Variants in SLC8A1 observed in about 807,000 individuals in gnomAD.
SLC8A1 encodes solute carrier family 8 member A1, also known as sodium/calcium exchanger 1.
In SLC8A1, 18 loss-of-function variants were observed where a neutral mutation model predicts 68.3. That is an observed-to-expected ratio of 0.26 (90% CI 0.18 to 0.39). SLC8A1 has a LOEUF of 0.39. Among genes scored for constraint, SLC8A1 ranks in the 10% least tolerant of loss-of-function variants. SLC8A1 has a pLI of 1.00. For missense variants in SLC8A1, 985 were observed against 1,156.7 expected, an observed-to-expected ratio of 0.85 and a Z score of 2.15; for synonymous variants, 475 against 415.5, an observed-to-expected ratio of 1.14 and a Z score of -1.74.
intron 2 of SLC8A1, among the ~76,000 whole-genome samples, chr2:40,376,845 C>A (rs752855207): frequency 1.3e-5 from 2 of 152,048 alleles, no homozygotes; most frequent in Non-Finnish European, 2.9e-5. Flanking sequence ...AATCTGAATA[C>A]TTGTAATTTC....
chr2:40,117,561 T>G (rs979588403), intron 7 of SLC8A1, among the ~76,000 whole-genome samples: 1 of 143,704 alleles, frequency 7.0e-6, no homozygotes, highest in African/African-American at 2.6e-5. Flanking sequence ...TGAGACTCCA[T>G]CTCAAAAAAA....
intron 7 of SLC8A1, among the ~76,000 whole-genome samples, chr2:40,129,633 T>C (rs931550309): frequency 6.6e-6 from 1 of 152,200 alleles, no homozygotes; most frequent in African/African-American, 2.4e-5. Flanking sequence ...TGAATGCTTC[T>C]GCTACACTCG....
intron 2 of SLC8A1, among the ~76,000 whole-genome samples, chr2:40,287,582 ATGTGTGTGTGTGTGTG>A (rs10522914): frequency 0.016 from 2,015 of 127,572 alleles, 62 homozygotes; most frequent in African/African-American, 0.057. Context: ...CAGAGGAATG[ATGTGTGTGTGTGTGTG>A]TGTGTGTGTG....
chr2:40,170,188 G>T, intron 4 of SLC8A1, 93 bp downstream of exon 7: 3 of 1,101,014 alleles, frequency 2.7e-6, no homozygotes, highest in African/African-American at 1.6e-5. Flanking sequence ...ATGTTTTACA[G>T]AGGAGAGGGG....
intron 1 of SLC8A1, among the ~76,000 whole-genome samples, chr2:40,467,276 G>C (rs1196125246): frequency 1.3e-5 from 2 of 152,094 alleles, no homozygotes; most frequent in Non-Finnish European, 2.9e-5. Context: ...CTGTCCTTTT[G>C]CATACAGCTG....
chr2:40,344,233 T>C (rs1196543285), intron 2 of SLC8A1, among the ~76,000 whole-genome samples: 1 of 152,192 alleles, frequency 6.6e-6, no homozygotes, highest in Non-Finnish European at 1.5e-5. Context: ...CTAAGTTAAC[T>C]CCTTTCTCCT....
At chr2:40,108,175 T>C (rs896104289) in exon 8 of SLC8A1, 2 of 152,210 alleles carry the variant, frequency 1.3e-5, no homozygotes, top group African/African-American at 4.8e-5. Flanking sequence ...ATTTAGAAAC[T>C]TGATGGCTTA....
exon 8 of SLC8A1, chr2:40,102,084 A>G (rs1297026359): frequency 6.6e-6 from 1 of 152,172 alleles, no homozygotes; most frequent in African/African-American, 2.4e-5. Flanking sequence ...GGGACAGATT[A>G]TATTTGTGCT....
intron 1 of SLC8A1, among the ~76,000 whole-genome samples, chr2:40,465,013 A>G (rs1261824778): frequency 1.3e-5 from 2 of 152,176 alleles, no homozygotes; most frequent in East Asian, 1.9e-4. Context: ...ACACTATAGA[A>G]GCACAGAGGA....
intron 1 of SLC8A1, among the ~76,000 whole-genome samples, chr2:40,462,060 G>A (rs1374198131): frequency 8.0e-6 from 1 of 125,056 alleles, no homozygotes; most frequent in East Asian, 2.5e-4. Context: ...AGGCTGGAGT[G>A]CAGTGGCACA....
chr2:40,388,701 A>G (rs966819287), intron 2 of SLC8A1, among the ~76,000 whole-genome samples: 2 of 152,208 alleles, frequency 1.3e-5, no homozygotes, highest in Middle Eastern at 3.2e-3. Context: ...CAAATCAAAT[A>G]ACGCAAAGTG....
intron 2 of SLC8A1, among the ~76,000 whole-genome samples, chr2:40,337,151 A>C (rs1394418067): frequency 1.3e-5 from 2 of 152,204 alleles, no homozygotes; most frequent in African/African-American, 2.4e-5. Context: ...TGTGCTGACC[A>C]TAGTTTACAG....
intron 7 of SLC8A1, among the ~76,000 whole-genome samples, chr2:40,131,460 T>C (rs750385679): frequency 9.9e-5 from 15 of 152,240 alleles, no homozygotes; most frequent in Non-Finnish European, 1.8e-4. Flanking sequence ...AGCTCAGAAT[T>C]CAGAATGACT....
intron 2 of SLC8A1, among the ~76,000 whole-genome samples, chr2:40,213,766 G>C: frequency 6.6e-6 from 1 of 152,198 alleles, no homozygotes; most frequent in African/African-American, 2.4e-5. Flanking sequence ...AACTAGAGCT[G>C]CATCAATTCT....
chr2:40,357,793 A>T (rs911153837), intron 2 of SLC8A1, among the ~76,000 whole-genome samples: 4 of 152,140 alleles, frequency 2.6e-5, no homozygotes, highest in African/African-American at 9.7e-5. Context: ...CTTATACGAC[A>T]TTCCTTTAGT....
At chr2:40,264,846 TAA>T (rs34628560) in intron 2 of SLC8A1, among the ~76,000 whole-genome samples, 6 of 151,520 alleles carry the variant, frequency 4.0e-5, no homozygotes, top group East Asian at 3.9e-4. Context: ...ACTTAAAGTA[TAA>T]AAAAAAAATA....
intron 2 of SLC8A1, among the ~76,000 whole-genome samples, chr2:40,356,283 T>C (rs1438322751): frequency 6.6e-6 from 1 of 152,196 alleles, no homozygotes; most frequent in Non-Finnish European, 1.5e-5. Context: ...TCAGCATCAA[T>C]TGTAGTGACT....
At chr2:40,460,997 T>A (rs1177245130) in intron 1 of SLC8A1, among the ~76,000 whole-genome samples, 1 of 152,172 alleles carries the variant, frequency 6.6e-6, no homozygotes, top group Non-Finnish European at 1.5e-5. Context: ...GAGACTCACA[T>A]AAAAGGACTC....
chr2:40,413,209 C>A (rs13023706), intron 2 of SLC8A1, among the ~76,000 whole-genome samples: 20,752 of 152,140 alleles, frequency 0.14, 2,583 homozygotes, highest in East Asian at 0.66. Flanking sequence ...CCTCAGGGAT[C>A]TAGAACTAGA....
Sources: allele counts gnomAD v4.1 joint callset (sites outside exome capture counted in the v4.1 genomes callset), GRCh38; gene constraint gnomAD v4.1.1; transcripts MANE v1.5; gene names NCBI Gene and HGNC (gene_info 2026-07-23, HGNC 2026-07-21).